The following SLC14A2 variants were observed in gnomAD, a reference collection of about 807,000 sequenced individuals.
The protein encoded by SLC14A2 is solute carrier family 14 member 2, also known as urea transporter 2.
In SLC14A2, 91 loss-of-function variants were observed where a neutral mutation model predicts 104.6. The ratio of observed to expected loss-of-function variants is 0.87; its 90% CI spans 0.73 to 1.04. The LOEUF (loss-of-function observed/expected upper bound fraction) is 1.04, where lower values mean the gene tolerates loss of function less well. Among genes scored for constraint, SLC14A2 ranks in the 50% least tolerant of loss-of-function variants. SLC14A2 has a pLI of 0.00. For synonymous variants in SLC14A2, 476 were observed against 466.4 expected, an observed-to-expected ratio of 1.02 and a Z score of -0.27; for missense variants, 1,189 against 1,156.0, an observed-to-expected ratio of 1.03 and a Z score of -0.41.
At position 45,402,754 on chromosome 18, in the gene SLC14A2, T is replaced by C. The variant is rs1209781028; in HGVS notation, c.-124-80479T>C. ...GGGAGGAGTTGGCACAGCTAGTTAG[T>C]GACAGAGTTGAGACCAGAGTCAGAT... is the stretch of plus-strand genomic sequence containing the variant. On this transcript the variant is annotated intron_variant, in intron 1 of 20. Transcript: ENST00000586448. Among the ~76,000 whole-genome samples, 3 of 152,184 alleles carry C rather than the reference T, an allele frequency of 2.0e-5. No individual in the cohort carries two copies. The East Asian group carries it at 5.8e-4, about 29-fold the overall frequency.
chr18:45,505,921 G>A (rs1451154821), intron 2 of SLC14A2, among the ~76,000 whole-genome samples: 1 of 151,740 alleles, frequency 6.6e-6, no homozygotes, highest in African/African-American at 2.4e-5. Flanking sequence ...CCATTCTGAT[G>A]TGGATTTCTC....
intron 1 of SLC14A2, among the ~76,000 whole-genome samples, chr18:45,258,090 A>G (rs1055537746): frequency 1.3e-5 from 2 of 152,112 alleles, no homozygotes; most frequent in African/African-American, 4.8e-5. Flanking sequence ...CATTCTCACC[A>G]CCATCCTATG....
At chr18:45,640,821 G>A (rs967184811) in intron 7 of SLC14A2, among the ~76,000 whole-genome samples, 7 of 152,016 alleles carry the variant, frequency 4.6e-5, no homozygotes, top group African/African-American at 1.5e-4. Flanking sequence ...AAGTGTATAG[G>A]GATATTTTTC....
chr18:45,433,795 G>T (rs2086555334), intron 1 of SLC14A2, among the ~76,000 whole-genome samples: 1 of 152,204 alleles, frequency 6.6e-6, no homozygotes, highest in Admixed American at 6.5e-5. Flanking sequence ...TAGGGAATGG[G>T]TATGGAGATC....
intron 1 of SLC14A2, among the ~76,000 whole-genome samples, chr18:45,382,763 C>T (rs1418153624): frequency 6.6e-6 from 1 of 152,214 alleles, no homozygotes; most frequent in East Asian, 1.9e-4. Flanking sequence ...CTTCAGATGT[C>T]TCTTTTTTAC....
the SLC14A2 span, among the ~76,000 whole-genome samples, chr18:45,204,868 C>A: frequency 6.6e-6 from 1 of 150,800 alleles, no homozygotes; most frequent in Admixed American, 6.6e-5. Context: ...TTGCCAGAAA[C>A]TTTCCTCTGC....
At chr18:45,186,244 C>G in the SLC14A2 span, among the ~76,000 whole-genome samples, 3 of 152,092 alleles carry the variant, frequency 2.0e-5, no homozygotes, top group Admixed American at 6.6e-5. Context: ...ATAATAAAGA[C>G]TATATAATAC....
At chr18:45,657,542 A>G (rs961008311) in intron 10 of SLC14A2, among the ~76,000 whole-genome samples, 10 of 151,076 alleles carry the variant, frequency 6.6e-5, no homozygotes, top group African/African-American at 1.7e-4. Context: ...AAGGAAGGAA[A>G]GAAAAGAGAG....
rs537291290 is a variant in SLC14A2 at position 45,648,269 on chromosome 18, C to G, written c.1351+4109C>G. 4.5e-3 allele frequency among the ~76,000 whole-genome samples: 634 copies of G among 141,832 alleles called. 3 individuals carry two copies. The highest frequency in any genetic ancestry group is 0.012 in the Middle Eastern group (3 of 250). 93.0% of individuals were successfully genotyped at this position (141,832 alleles called of 152,430 possible). On this transcript the variant is annotated intron_variant, in intron 10 of 19. Coordinates refer to ENST00000255226, the MANE Select transcript of SLC14A2 (RefSeq NM_007163.4). ...CGCCCAGGCTGGAGTGCAGTGGCAC[C>G]ATCTGGGCTCACTGCAAGCTCCGCC...
intron 2 of SLC14A2, among the ~76,000 whole-genome samples, chr18:45,544,674 C>T (rs1446409830): frequency 6.6e-6 from 1 of 151,540 alleles, no homozygotes; most frequent in Admixed American, 6.6e-5. Context: ...ATCTTGGTAT[C>T]CATAAATAGC....
chr18:45,336,626 G>A (rs1026190450), intron 1 of SLC14A2, among the ~76,000 whole-genome samples: 7 of 152,140 alleles, frequency 4.6e-5, no homozygotes, highest in Middle Eastern at 3.2e-3. Flanking sequence ...TACATTCATA[G>A]ATCCCTGAGT....
At chr18:45,507,359 G>A (rs997855709) in intron 2 of SLC14A2, 5 of 152,714 alleles carry the variant, frequency 3.3e-5, no homozygotes, top group African/African-American at 1.2e-4. Flanking sequence ...AGGCAGGCTG[G>A]AGCAGAGAGG....
intron 1 of SLC14A2, among the ~76,000 whole-genome samples, chr18:45,294,036 AC>A (rs775817888): frequency 2.0e-5 from 3 of 152,212 alleles, no homozygotes; most frequent in Non-Finnish European, 2.9e-5. Flanking sequence ...GGTATCCATC[AC>A]TTTTGGGGAA....
intron 16 of SLC14A2, among the ~76,000 whole-genome samples, chr18:45,672,316 G>A (rs1311895309): frequency 6.6e-6 from 1 of 152,086 alleles, no homozygotes; most frequent in African/African-American, 2.4e-5. Flanking sequence ...GATCACCTGA[G>A]GTCAGGAGTT....
At chr18:45,250,755 C>CTTTTTTTT (rs67864793) in intron 1 of SLC14A2, among the ~76,000 whole-genome samples, 14 of 93,882 alleles carry the variant, frequency 1.5e-4, no homozygotes, top group African/African-American at 2.6e-4. Flanking sequence ...TGGCTTCTTC[C>CTTTTTTTT]TTTTTTTTTT....
At chr18:45,615,786 TATGTGTGC>T (rs2045056315) in intron 1 of SLC14A2, among the ~76,000 whole-genome samples, 1 of 151,720 alleles carries the variant, frequency 6.6e-6, no homozygotes, top group South Asian at 2.1e-4. Flanking sequence ...TGTATATAAG[TATGTGTGC>T]ATGTGTGTAT....
intron 1 of SLC14A2, among the ~76,000 whole-genome samples, chr18:45,389,794 A>C (rs991996750): frequency 6.6e-6 from 1 of 152,188 alleles, no homozygotes; most frequent in Non-Finnish European, 1.5e-5. Context: ...CCCCACTCCA[A>C]AATATCTGTG....
At chr18:45,564,651 G>A (rs1026835159) in intron 2 of SLC14A2, among the ~76,000 whole-genome samples, 2 of 152,220 alleles carry the variant, frequency 1.3e-5, no homozygotes, top group African/African-American at 2.4e-5. Flanking sequence ...ATGCCAGGGA[G>A]AAACAATGGT....
chr18:45,253,343 A>G (rs2084442701), intron 1 of SLC14A2, among the ~76,000 whole-genome samples: 1 of 152,152 alleles, frequency 6.6e-6, no homozygotes, highest in African/African-American at 2.4e-5. Flanking sequence ...AACACGGTGG[A>G]CGAAGGACGG....
Sources: gnomAD v4.1 joint callset for allele counts (sites outside exome capture counted in the v4.1 genomes callset) on GRCh38, gnomAD v4.1.1 for gene constraint, MANE v1.5 for transcripts, NCBI Gene and HGNC (gene_info 2026-07-23, HGNC 2026-07-21) for gene names.